Variants in MYO5B observed in about 807,000 individuals in gnomAD.
The protein encoded by MYO5B is unconventional myosin-Vb.
In MYO5B, 143 loss-of-function variants were observed where a neutral mutation model predicts 229.3. The ratio of observed to expected loss-of-function variants is 0.62; its 90% CI spans 0.54 to 0.72. MYO5B has a LOEUF of 0.72. Among genes scored for constraint, MYO5B ranks in the 30% least tolerant of loss-of-function variants. MYO5B has a pLI of 0.00. For missense variants in MYO5B, 2,321 were observed against 2,331.0 expected (o/e 1.00, Z 0.09); for synonymous variants, 918 against 885.2 (o/e 1.04, Z -0.66).
At chr18:50,165,359 T>A (rs1192571393) in intron 1 of MYO5B, among the ~76,000 whole-genome samples, 2 of 152,104 alleles carry the variant, frequency 1.3e-5, no homozygotes, top group East Asian at 3.9e-4. Flanking sequence ...GGCAGATGCC[T>A]ATGGTCCCAG....
intron 4 of MYO5B, among the ~76,000 whole-genome samples, chr18:50,005,712 G>A (rs999493848): frequency 6.6e-6 from 1 of 152,132 alleles, no homozygotes; most frequent in Non-Finnish European, 1.5e-5. Flanking sequence ...CCACTGCCTG[G>A]CCTATATTTC....
chr18:49,943,371 T>G (rs1000854790), intron 14 of MYO5B, among the ~76,000 whole-genome samples: 1 of 152,030 alleles, frequency 6.6e-6, no homozygotes, highest in African/African-American at 2.4e-5. Context: ...AAAAAAAAAT[T>G]TTCCTCCCTC....
chr18:50,068,951 G>A (rs2030887420), intron 1 of MYO5B, among the ~76,000 whole-genome samples: 1 of 152,128 alleles, frequency 6.6e-6, no homozygotes, highest in Non-Finnish European at 1.5e-5. Flanking sequence ...GTCAAAGTTT[G>A]TGGCTCAACA....
At chr18:49,954,752 G>A (rs2025473362) in intron 12 of MYO5B, among the ~76,000 whole-genome samples, 2 of 152,162 alleles carry the variant, frequency 1.3e-5, no homozygotes, top group South Asian at 4.1e-4. Flanking sequence ...ACAGCCTGCA[G>A]GACCACCTGA....
At chr18:50,121,675 C>T (rs1790074607) in intron 1 of MYO5B, among the ~76,000 whole-genome samples, 1 of 152,194 alleles carries the variant, frequency 6.6e-6, no homozygotes, top group Non-Finnish European at 1.5e-5. Context: ...AATGTAAATA[C>T]AAAGCACCCA....
intron 19 of MYO5B, among the ~76,000 whole-genome samples, chr18:49,905,880 G>A (rs1211182499): frequency 6.6e-6 from 1 of 152,116 alleles, no homozygotes; most frequent in East Asian, 1.9e-4. Context: ...GGCAGGCAGG[G>A]GAGGCTGATT....
rs752349961 is a variant in MYO5B at position 49,929,497 on chromosome 18, G to A, written c.2090+15C>T. On this transcript the variant is annotated intron_variant, in intron 17 of 39. Transcript: ENST00000285039. ...AGGGCAGCCCCAGGAGGCAGCTGGC[G>A]GGCACGTTAGTTACCTGGATGGGTA... 4.1e-5 allele frequency: 66 copies of A among 1,596,616 alleles called. No individual in the cohort carries two copies. Among genetic ancestry groups the A allele is most frequent in the South Asian group, 1.2e-4 (11 of 88,546 alleles).
chr18:50,015,402 T>C (rs1277544280), intron 4 of MYO5B, among the ~76,000 whole-genome samples: 1 of 152,228 alleles, frequency 6.6e-6, no homozygotes, highest in African/African-American at 2.4e-5. Flanking sequence ...TTGTTTTGCT[T>C]AAATTTTTTC....
At chr18:50,006,407 A>G (rs991816681) in intron 4 of MYO5B, among the ~76,000 whole-genome samples, 37 of 152,220 alleles carry the variant, frequency 2.4e-4, no homozygotes, top group African/African-American at 5.3e-4. Flanking sequence ...TTGGCAAGGA[A>G]TTTAGTACTC....
Position 50,100,878 on chromosome 18 carries a change from T to C in MYO5B, c.28-45500A>G, listed in dbSNP as rs79336377. Among the ~76,000 whole-genome samples the C allele has an allele frequency of 1.3e-3, 194 of 152,282 alleles. 1 individual carries two copies. The highest frequency in any genetic ancestry group is 2.2e-3 in the Non-Finnish European group (147 of 68,036). The stretch of plus-strand genomic sequence containing the variant: ...TGGAGCCAGCAGCATCACCCGAAAC[T>C]GCAGTTTCCCACCCAGAACTCTGCT... On this transcript the variant is annotated intron_variant, in intron 1 of 39. Coordinates refer to ENST00000285039, the MANE Select transcript of MYO5B (RefSeq NM_001080467.3).
intron 2 of MYO5B, among the ~76,000 whole-genome samples, chr18:50,043,925 G>A (rs1220006887): frequency 6.6e-6 from 1 of 151,782 alleles, no homozygotes; most frequent in Non-Finnish European, 1.5e-5. Context: ...ACTACAAATT[G>A]GGTTCAGTGT....
chr18:50,124,826 G>A (rs2144537208), intron 1 of MYO5B, among the ~76,000 whole-genome samples: 1 of 152,074 alleles, frequency 6.6e-6, no homozygotes, highest in African/African-American at 2.4e-5. Flanking sequence ...CTTATTTCAG[G>A]AATGTGTACA....
chr18:50,161,582 A>G (rs563025033), intron 1 of MYO5B, among the ~76,000 whole-genome samples: 2 of 152,282 alleles, frequency 1.3e-5, no homozygotes, highest in African/African-American at 4.8e-5. Context: ...TTCCCCTGAA[A>G]TATCAGAAGA....
intron 1 of MYO5B, among the ~76,000 whole-genome samples, chr18:50,142,594 G>A (rs1186306591): frequency 6.6e-6 from 1 of 152,190 alleles, no homozygotes; most frequent in Admixed American, 6.5e-5. Flanking sequence ...AATTCAAAGA[G>A]TAACATGGAA....
intron 22 of MYO5B, among the ~76,000 whole-genome samples, chr18:49,884,232 T>C (rs1177276690): frequency 6.6e-6 from 1 of 152,212 alleles, no homozygotes; most frequent in Non-Finnish European, 1.5e-5. Context: ...ACCTATCTGA[T>C]ACATCAGCAG....
rs549541749 is a variant in MYO5B, at chr18:49,916,659, G to A, written c.2091-4486C>T. Reference sequence around the variant, plus strand: ...GCCAGCTCCTGTGTGAAGGCAAACCGTCCACTGAGAAGCACCACCATCGCT... The same window carrying A: ...GCCAGCTCCTGTGTGAAGGCAAACCATCCACTGAGAAGCACCACCATCGCT... On this transcript the variant is annotated intron_variant, in intron 17 of 39. Transcript: ENST00000285039. Among the ~76,000 whole-genome samples, 13 of 152,254 alleles carry A rather than the reference G, an allele frequency of 8.5e-5. 1 individual carries two copies. Among genetic ancestry groups the A allele is most frequent in the South Asian group, 8.3e-4 (4 of 4,810 alleles).
At chr18:49,924,079 C>T (rs1159129024) in intron 17 of MYO5B, among the ~76,000 whole-genome samples, 1 of 152,142 alleles carries the variant, frequency 6.6e-6, no homozygotes, top group African/African-American at 2.4e-5. Context: ...TGACAGACTT[C>T]TTTACATGTT....
Position 50,131,739 on chromosome 18 carries a change from T to A in MYO5B, c.27+63028A>T, listed in dbSNP as rs75848826. ...GTACTGAGATCAGTGAAAAAGCTCATTTGTCACCATGACAGGAGGTGATAA... is the reference window on the plus strand; with the variant it reads ...GTACTGAGATCAGTGAAAAAGCTCAATTGTCACCATGACAGGAGGTGATAA... On this transcript the variant is annotated intron_variant, in intron 1 of 39. Transcript: ENST00000285039. Among the ~76,000 whole-genome samples the A allele has an allele frequency of 3.1e-3, 476 of 152,316 alleles. 2 individuals carry two copies. The highest frequency in any genetic ancestry group is 0.011 in the African/African-American group (451 of 41,560).
At chr18:50,017,524 GATT>G (rs1224832080) in intron 4 of MYO5B, among the ~76,000 whole-genome samples, 1 of 152,174 alleles carries the variant, frequency 6.6e-6, no homozygotes, top group Non-Finnish European at 1.5e-5. Flanking sequence ...TGTAAGGAGA[GATT>G]ATATTTTAAT....
Sources: gnomAD v4.1 joint callset for allele counts (sites outside exome capture counted in the v4.1 genomes callset) on GRCh38, gnomAD v4.1.1 for gene constraint, MANE v1.5 for transcripts, NCBI Gene and HGNC (gene_info 2026-07-23, HGNC 2026-07-21) for gene names.